The following GRIN2B variants were observed in gnomAD, a reference collection of about 807,000 sequenced individuals.
The protein encoded by GRIN2B is glutamate receptor ionotropic, NMDA 2B.
GRIN2B carries 5 observed loss-of-function variants against 114.5 expected under a neutral mutation model. That is an observed-to-expected ratio of 0.04 (90% CI 0.02 to 0.09). The LOEUF (loss-of-function observed/expected upper bound fraction) is 0.09. Among genes scored for constraint, GRIN2B ranks in the 10% least tolerant of loss-of-function variants. The pLI is 1.00. For missense variants in GRIN2B, 1,108 were observed against 1,943.5 expected (o/e 0.57, Z 8.08); for synonymous variants, 787 against 745.1 (o/e 1.06, Z -0.92).
rs199843136 is a variant in GRIN2B, at chr12:13,564,526, C to T, written c.2712G>A (p.Thr904=). Residue 904 remains threonine, a synonymous_variant, in exon 14 of 14, where the codon ACG becomes ACA. Transcript: ENST00000609686. This position sits in a 1 kb window ranked among gnomAD's most constrained non-coding sequence, Gnocchi z 4.8. ...CAGACAGGTTAGCCATGTTCTTGGC[C>T]GTGCGCAGCAGGCGCAGGATGTTGG... The part of the protein sequence containing the change: ...THSNILRLLR[T]AKNMANLSGV... The T allele has an allele frequency of 3.3e-5, 54 of 1,614,022 alleles. No homozygotes were observed. The African/African-American group carries it at 4.3e-4, about 13-fold the overall frequency.
chr12:13,904,489 A>G (rs1193214321), intron 2 of GRIN2B, among the ~76,000 whole-genome samples: 1 of 151,946 alleles, frequency 6.6e-6, no homozygotes, highest in African/African-American at 2.4e-5. Context: ...CTTACTTTTA[A>G]TTGCATCACT....
chr12:13,878,790 A>G (rs1866028909), intron 2 of GRIN2B, among the ~76,000 whole-genome samples: 1 of 152,228 alleles, frequency 6.6e-6, no homozygotes. Flanking sequence ...AAACAGCTGA[A>G]GACTATTTCA....
chr12:13,972,066 A>T (rs1862932301), intron 2 of GRIN2B, among the ~76,000 whole-genome samples: 1 of 152,182 alleles, frequency 6.6e-6, no homozygotes, highest in Non-Finnish European at 1.5e-5. Context: ...GTGCCTTGTC[A>T]ATCATCTTGC....
chr12:13,847,847 C>A (rs950133768), intron 3 of GRIN2B, among the ~76,000 whole-genome samples: 1 of 152,148 alleles, frequency 6.6e-6, no homozygotes, highest in Non-Finnish European at 1.5e-5. Context: ...TAAGCCCTCT[C>A]TGTAGTGTGG....
chr12:13,830,243 T>C (rs1397602210), intron 3 of GRIN2B, among the ~76,000 whole-genome samples: 2 of 152,244 alleles, frequency 1.3e-5, no homozygotes, highest in African/African-American at 4.8e-5. Flanking sequence ...TTGAATAATA[T>C]GGTTTTTGTG....
intron 2 of GRIN2B, among the ~76,000 whole-genome samples, chr12:13,954,134 C>G (rs1485223470): frequency 6.6e-6 from 1 of 152,162 alleles, no homozygotes; most frequent in Admixed American, 6.5e-5. Flanking sequence ...ATGAGTTGTC[C>G]TCTTTGGTGC....
At position 13,590,130 on chromosome 12, in the gene GRIN2B, T is replaced by C. The variant is rs962131776; in HGVS notation, c.2011-18166A>G. 2.0e-4 allele frequency among the ~76,000 whole-genome samples: 30 copies of C among 152,136 alleles called. 1 individual carries two copies. The highest frequency in any genetic ancestry group is 7.0e-4 in the African/African-American group (29 of 41,434). On this transcript the variant is annotated intron_variant, in intron 10 of 13. Coordinates refer to ENST00000609686, the MANE Select transcript of GRIN2B (RefSeq NM_000834.5). ...AGCTTGAAGTAGAATAAATTAGGTT[T>C]ACTTTTTCTGAGTGTCTGAAGGAAC...
chr12:13,664,935 T>C (rs1362828412), intron 5 of GRIN2B, among the ~76,000 whole-genome samples: 1 of 152,170 alleles, frequency 6.6e-6, no homozygotes, highest in Non-Finnish European at 1.5e-5. Context: ...GCTGCAGGGA[T>C]ACGGTGCCAC....
intron 2 of GRIN2B, among the ~76,000 whole-genome samples, chr12:13,917,416 C>A (rs1422154297): frequency 6.6e-6 from 1 of 151,976 alleles, no homozygotes. Flanking sequence ...CTGGGTGGGC[C>A]GGCTGTATTG....
At chr12:13,572,031 T>G in intron 10 of GRIN2B, 67 bp from the exon 11 acceptor site, 1 of 1,295,766 alleles carries the variant, frequency 7.7e-7, no homozygotes, top group Non-Finnish European at 1.1e-6. Flanking sequence ...AAAAGTCATT[T>G]TAGAAAATGT....
At chr12:13,620,372 TC>T (rs1412602682) in intron 5 of GRIN2B, among the ~76,000 whole-genome samples, 1 of 152,148 alleles carries the variant, frequency 6.6e-6, no homozygotes, top group Admixed American at 6.5e-5. Flanking sequence ...GCTCATCTCT[TC>T]CCAACTCCTT....
chr12:13,582,798 G>A (rs566031284), intron 10 of GRIN2B, among the ~76,000 whole-genome samples: 10 of 152,246 alleles, frequency 6.6e-5, no homozygotes, highest in South Asian at 2.1e-4. Flanking sequence ...TGCTGGAGCC[G>A]AAACAAAAGC....
intron 2 of GRIN2B, among the ~76,000 whole-genome samples, chr12:13,913,846 A>G (rs1866664954): frequency 6.6e-6 from 1 of 152,176 alleles, no homozygotes; most frequent in Non-Finnish European, 1.5e-5. Flanking sequence ...TCTCTCTCCA[A>G]ACCTCAGTTT....
intron 10 of GRIN2B, among the ~76,000 whole-genome samples, chr12:13,584,755 A>G (rs1274481473): frequency 6.6e-6 from 1 of 152,232 alleles, no homozygotes; most frequent in Non-Finnish European, 1.5e-5. Flanking sequence ...TGACAGAGTT[A>G]GAGATGATTA....
intron 3 of GRIN2B, among the ~76,000 whole-genome samples, chr12:13,847,911 C>A (rs1865496439): frequency 6.6e-6 from 1 of 152,100 alleles, no homozygotes. Flanking sequence ...GTGGACTTCC[C>A]TCCTCTGCCA....
At chr12:13,963,805 G>C (rs1867741142) in intron 2 of GRIN2B, among the ~76,000 whole-genome samples, 1 of 152,098 alleles carries the variant, frequency 6.6e-6, no homozygotes, top group Admixed American at 6.5e-5. Flanking sequence ...GCTTGCCTTG[G>C]TGTAAAAGCC....
Position 13,540,868 on chromosome 12 carries a change from G to A in GRIN2B, c.*21915C>T, listed in dbSNP as rs1329878083. 2.0e-5 allele frequency: 3 copies of A among 152,196 alleles called. No individual in the cohort carries two copies. The highest frequency in any genetic ancestry group is 2.9e-5 in the Non-Finnish European group (2 of 68,036). The allele number at this position is 152,196 out of a possible 1,614,324, so 9.4% of individuals were successfully genotyped here. On this transcript the variant is annotated 3_prime_UTR_variant, in exon 14 of 14. Transcript: ENST00000609686. Reference sequence around the variant, plus strand: ...GAGCTGAGGCAAGCCTGAGTCGTCGGTGCTCCCTGGAGAGGACATCACACA... The same window carrying A: ...GAGCTGAGGCAAGCCTGAGTCGTCGATGCTCCCTGGAGAGGACATCACACA...
chr12:13,591,829 A>G (rs569648211), intron 10 of GRIN2B, among the ~76,000 whole-genome samples: 16 of 152,306 alleles, frequency 1.1e-4, no homozygotes, highest in Admixed American at 9.8e-4. Flanking sequence ...CTATGAACAC[A>G]TTGTCCTCAA....
At chr12:13,787,886 C>G (rs1864245029) in intron 3 of GRIN2B, among the ~76,000 whole-genome samples, 1 of 152,152 alleles carries the variant, frequency 6.6e-6, no homozygotes, top group Non-Finnish European at 1.5e-5. Flanking sequence ...AAGCATTCTC[C>G]CATTGATCCA....
Sources: gnomAD v4.1 joint callset for allele counts (sites outside exome capture counted in the v4.1 genomes callset) on GRCh38, gnomAD v4.1.1 for gene constraint, Gnocchi (gnomAD v3.1) non-coding constraint, MANE v1.5 for transcripts, NCBI Gene and HGNC (gene_info 2026-07-23, HGNC 2026-07-21) for gene names.